GRIK1: variants seen among roughly 807,000 people sequenced by gnomAD.
GRIK1 encodes glutamate receptor ionotropic, kainate 1.
In GRIK1, 69 loss-of-function variants were observed where a neutral mutation model predicts 105.7. That is an observed-to-expected ratio of 0.65 (90% CI 0.54 to 0.80). GRIK1 has a LOEUF of 0.80. Ranked by LOEUF, GRIK1 falls within the 30% of genes least tolerant of loss-of-function variation. The pLI, the probability that GRIK1 is intolerant of heterozygous loss-of-function variation, is 0.00. For missense variants in GRIK1, 1,109 were observed against 1,167.3 expected (o/e 0.95, Z 0.73); for synonymous variants, 438 against 431.3 (o/e 1.02, Z -0.19).
chr21:29,625,957 C>T (rs2062119469), intron 7 of GRIK1, among the ~76,000 whole-genome samples: 1 of 152,078 alleles, frequency 6.6e-6, no homozygotes, highest in African/African-American at 2.4e-5. Flanking sequence ...CCCTAACCCC[C>T]AGCAGCTTAG....
rs1320809944 is a variant in GRIK1, at chr21:29,674,072, T to C, written c.545-908A>G. ...ATACGGAAAAATTGAGTTTTTTTTT[T>C]TGTTGTTTTTTTTTTTTAGTATGCA... On this transcript the variant is annotated intron_variant, in intron 3 of 17. Coordinates refer to ENST00000327783, the MANE Select transcript of GRIK1 (RefSeq NM_001330994.2). Among the ~76,000 whole-genome samples the C allele has an allele frequency of 2.6e-5, 4 of 151,378 alleles. 1 individual carries two copies. The East Asian group carries it at 5.8e-4, about 22-fold the overall frequency.
intron 3 of GRIK1, among the ~76,000 whole-genome samples, chr21:29,679,456 G>T (rs1386348158): frequency 5.3e-5 from 8 of 152,076 alleles, no homozygotes; most frequent in African/African-American, 1.9e-4. Context: ...CCTATCTATA[G>T]GCTGAGGCCA....
intron 1 of GRIK1, among the ~76,000 whole-genome samples, chr21:29,739,141 C>A (rs1159208640): frequency 6.6e-6 from 1 of 152,104 alleles, no homozygotes; most frequent in Admixed American, 6.5e-5. Flanking sequence ...TAATGACAGG[C>A]AGTGAAAAGT....
At chr21:29,802,890 G>A (rs1209120458) in intron 1 of GRIK1, among the ~76,000 whole-genome samples, 2 of 152,136 alleles carry the variant, frequency 1.3e-5, no homozygotes, top group African/African-American at 4.8e-5. Context: ...TACGTTGCAT[G>A]TTCCTTGAGG....
At chr21:29,833,367 C>T (rs968790726) in intron 1 of GRIK1, among the ~76,000 whole-genome samples, 15 of 152,198 alleles carry the variant, frequency 9.9e-5, no homozygotes, top group African/African-American at 3.4e-4. Context: ...GAATGCCCCA[C>T]TCCCAGTACC....
chr21:29,622,730 T>C (rs1050484123), intron 7 of GRIK1, among the ~76,000 whole-genome samples: 5 of 152,214 alleles, frequency 3.3e-5, no homozygotes, highest in Admixed American at 6.5e-5. Flanking sequence ...TCCTCTGTCT[T>C]ATCCAACCTT....
At chr21:29,902,724 T>G (rs1055990274) in intron 1 of GRIK1, among the ~76,000 whole-genome samples, 5 of 152,180 alleles carry the variant, frequency 3.3e-5, no homozygotes, top group Non-Finnish European at 7.3e-5. Flanking sequence ...CTGTCCAAAG[T>G]AATTTATAGA....
chr21:29,725,671 A>G (rs137879450), intron 1 of GRIK1, among the ~76,000 whole-genome samples: 10 of 152,362 alleles, frequency 6.6e-5, no homozygotes, highest in Middle Eastern at 6.8e-3. Flanking sequence ...CCATCCTGAT[A>G]CAAAGAATGA....
At chr21:29,788,086 T>A (rs1168928441) in intron 1 of GRIK1, among the ~76,000 whole-genome samples, 1 of 152,226 alleles carries the variant, frequency 6.6e-6, no homozygotes, top group East Asian at 1.9e-4. Flanking sequence ...GTGATAAAGA[T>A]AAAAGTATAG....
chr21:29,781,960 G>A (rs955688849), intron 1 of GRIK1, among the ~76,000 whole-genome samples: 11 of 151,712 alleles, frequency 7.3e-5, no homozygotes, highest in Admixed American at 2.6e-4. Context: ...GTGAGCCACC[G>A]CGCCCGGCCT....
chr21:29,921,745 T>G (rs2071200722), intron 1 of GRIK1, among the ~76,000 whole-genome samples: 1 of 152,200 alleles, frequency 6.6e-6, no homozygotes, highest in Admixed American at 6.5e-5. Flanking sequence ...TAAGCTCACT[T>G]TAATATTGCT....
intron 3 of GRIK1, among the ~76,000 whole-genome samples, chr21:29,676,927 G>A (rs191927399): frequency 4.3e-4 from 66 of 152,222 alleles, no homozygotes; most frequent in Admixed American, 2.3e-3. Flanking sequence ...AATAATATTA[G>A]CAAATATATA....
At chr21:29,781,966 G>A (rs377645095) in intron 1 of GRIK1, among the ~76,000 whole-genome samples, 8 of 151,962 alleles carry the variant, frequency 5.3e-5, no homozygotes, top group South Asian at 2.1e-4. Flanking sequence ...CACCGCGCCC[G>A]GCCTAACCTA....
chr21:29,702,154 G>A (rs2063824074), intron 1 of GRIK1, among the ~76,000 whole-genome samples: 1 of 152,168 alleles, frequency 6.6e-6, no homozygotes, highest in Non-Finnish European at 1.5e-5. Context: ...AGGACAAAGG[G>A]TGGGAGGAGG....
At chr21:29,739,217 T>C (rs1164745066) in intron 1 of GRIK1, among the ~76,000 whole-genome samples, 1 of 152,110 alleles carries the variant, frequency 6.6e-6, no homozygotes, top group Admixed American at 6.5e-5. Flanking sequence ...CTATTTTAGA[T>C]AGGATGGTCC....
intron 1 of GRIK1, among the ~76,000 whole-genome samples, chr21:29,719,437 G>A (rs542059183): frequency 1.2e-4 from 18 of 152,160 alleles, no homozygotes; most frequent in Non-Finnish European, 1.6e-4. Flanking sequence ...TTACAGAGCA[G>A]AGCTTGTTCC....
intron 1 of GRIK1, among the ~76,000 whole-genome samples, chr21:29,782,903 A>G (rs780400209): frequency 6.6e-6 from 1 of 152,152 alleles, no homozygotes; most frequent in Admixed American, 6.5e-5. Flanking sequence ...ACTCATGAAC[A>G]TTTGTATTCA....
chr21:29,633,151 G>A (rs559142439), intron 7 of GRIK1, among the ~76,000 whole-genome samples: 12 of 152,252 alleles, frequency 7.9e-5, no homozygotes, highest in Middle Eastern at 3.4e-3. Flanking sequence ...GAAAGCCCTC[G>A]CCAGAGACTG....
chr21:29,683,113 T>G (rs2063414331), intron 3 of GRIK1, among the ~76,000 whole-genome samples: 1 of 152,108 alleles, frequency 6.6e-6, no homozygotes, highest in Non-Finnish European at 1.5e-5. Flanking sequence ...TGGCTATTAT[T>G]AAAAAGTCAA....
Sources: allele counts gnomAD v4.1 joint callset (sites outside exome capture counted in the v4.1 genomes callset), GRCh38; gene constraint gnomAD v4.1.1; transcripts MANE v1.5; gene names NCBI Gene and HGNC (gene_info 2026-07-23, HGNC 2026-07-21).